The following DESI2 variants were observed in gnomAD, a reference collection of about 807,000 sequenced individuals.
DESI2 encodes deubiquitinase DESI2.
A neutral mutation model predicts 24.1 loss-of-function variants in DESI2; 10 were observed. That is an observed-to-expected ratio of 0.41 (90% CI 0.26 to 0.70). DESI2 has a LOEUF of 0.70. Ranked by LOEUF, DESI2 falls within the 30% of genes least tolerant of loss-of-function variation. The probability of loss-of-function intolerance (pLI) is 0.29; values close to 1 mark genes in which losing one functional copy is unlikely to be tolerated. For synonymous variants in DESI2, 71 were observed against 87.7 expected (o/e 0.81, Z 1.06); for missense variants, 122 against 234.9 (o/e 0.52, Z 3.14).
chr1:244,679,134 G>A (rs1676512088), intron 1 of DESI2, among the ~76,000 whole-genome samples: 1 of 152,038 alleles, frequency 6.6e-6, no homozygotes, highest in Non-Finnish European at 1.5e-5. Context: ...GACCTCCTGG[G>A]CTCAGGTAAT....
chr1:244,665,281 G>A (rs1316723140), intron 1 of DESI2, among the ~76,000 whole-genome samples: 1 of 151,944 alleles, frequency 6.6e-6, no homozygotes, highest in Non-Finnish European at 1.5e-5. Flanking sequence ...TCAGAGTCAC[G>A]CCATAGTGGT....
At chr1:244,692,090 T>C in intron 4 of DESI2, 70 bp downstream of exon 4, 1 of 1,297,270 alleles carries the variant, frequency 7.7e-7, no homozygotes, top group Non-Finnish European at 1.1e-6. Context: ...GATATCCCAC[T>C]ATATTCGATC....
At chr1:244,688,872 T>G (rs1042342131) in intron 2 of DESI2, among the ~76,000 whole-genome samples, 1 of 152,208 alleles carries the variant, frequency 6.6e-6, no homozygotes, top group Non-Finnish European at 1.5e-5. Context: ...CAGTAAGATA[T>G]GTGTTTGAAA....
chr1:244,681,187 C>A (rs191698107), intron 1 of DESI2, among the ~76,000 whole-genome samples: 21 of 152,176 alleles, frequency 1.4e-4, no homozygotes, highest in African/African-American at 5.1e-4. Flanking sequence ...AGTCCTGATT[C>A]CTTTTAGGAA....
chr1:244,693,431 T>C, intron 4 of DESI2, among the ~76,000 whole-genome samples: 1 of 143,078 alleles, frequency 7.0e-6, no homozygotes, highest in South Asian at 2.4e-4. Flanking sequence ...CTGAATTGTT[T>C]GTTCTTTTTT....
At chr1:244,698,386 T>C (rs779033037) in intron 4 of DESI2, among the ~76,000 whole-genome samples, 1 of 152,236 alleles carries the variant, frequency 6.6e-6, no homozygotes, top group Non-Finnish European at 1.5e-5. Context: ...TAATTGCAAG[T>C]GAGCTCATAT....
At chr1:244,653,580 G>A (rs1675538277) in intron 1 of DESI2, 2 of 526,000 alleles carry the variant, frequency 3.8e-6, no homozygotes, top group Admixed American at 8.4e-5. Flanking sequence ...CCAAAGCTCG[G>A]GTGGGCTTGA....
At chr1:244,690,896 T>G (rs537381360) in intron 3 of DESI2, among the ~76,000 whole-genome samples, 22 of 152,290 alleles carry the variant, frequency 1.4e-4, no homozygotes, top group African/African-American at 5.3e-4. Flanking sequence ...ATCACTGAAT[T>G]GAAAGATTTT....
chr1:244,658,557 C>T (rs1038828196), intron 1 of DESI2, among the ~76,000 whole-genome samples: 4 of 152,172 alleles, frequency 2.6e-5, no homozygotes, highest in Admixed American at 6.5e-5. Context: ...TCTCCGATAG[C>T]GCCATACTAT....
chr1:244,705,822 C>A lies in DESI2; in HGVS notation c.*33C>A. On this transcript the variant is annotated 3_prime_UTR_variant, in exon 5 of 5. Coordinates refer to ENST00000302550, the MANE Select transcript of DESI2 (RefSeq NM_016076.5). ...CAAAGTCACACATTCAGAACTGTCT[C>A]TGGCAGTCGAATATCACTAGAGAAA... 1 of 1,489,980 alleles carries A rather than the reference C, an allele frequency of 6.7e-7. No individual in the cohort carries two copies. Among genetic ancestry groups the A allele is most frequent in the South Asian group, 1.1e-5 (1 of 87,542 alleles). 92.3% of individuals were successfully genotyped at this position (1,489,980 alleles called of 1,614,324 possible). A position where few individuals can be genotyped will look rare whatever the true frequency, so the allele number is the denominator to read the frequency against.
At position 244,708,522 on chromosome 1, in the gene DESI2, G is replaced by C. The variant is rs930117995; in HGVS notation, c.*2733G>C. On this transcript the variant is annotated 3_prime_UTR_variant, in exon 5 of 5. Coordinates refer to ENST00000302550, the MANE Select transcript of DESI2 (RefSeq NM_016076.5). Reference sequence around the variant, plus strand: ...TTTTAGTCCATTGGTAGCATTGTGTGTATGAGGAGATTCAACACCACAGAC... The same window carrying C: ...TTTTAGTCCATTGGTAGCATTGTGTCTATGAGGAGATTCAACACCACAGAC... The C allele has an allele frequency of 2.0e-5, 3 of 152,592 alleles. No homozygotes were observed. Among genetic ancestry groups the C allele is most frequent in the African/African-American group, 7.2e-5 (3 of 41,414 alleles). 9.5% of individuals were successfully genotyped at this position (152,592 alleles called of 1,614,324 possible).
intron 1 of DESI2, among the ~76,000 whole-genome samples, chr1:244,669,872 T>C (rs1676185830): frequency 6.6e-6 from 1 of 152,186 alleles, no homozygotes; most frequent in South Asian, 2.1e-4. Flanking sequence ...GCTCATGTAC[T>C]TCACTAATAT....
chr1:244,693,286 T>C (rs1463806601), intron 4 of DESI2, among the ~76,000 whole-genome samples: 1 of 152,202 alleles, frequency 6.6e-6, no homozygotes, highest in Non-Finnish European at 1.5e-5. Flanking sequence ...AGAACGTTAT[T>C]GAGCATCTAT....
At chr1:244,676,486 A>G (rs1676420455) in intron 1 of DESI2, among the ~76,000 whole-genome samples, 1 of 152,064 alleles carries the variant, frequency 6.6e-6, no homozygotes, top group South Asian at 2.1e-4. Flanking sequence ...ATATAATATC[A>G]TATCATCTGC....
intron 4 of DESI2, among the ~76,000 whole-genome samples, chr1:244,694,884 G>A (rs1271352952): frequency 6.6e-6 from 1 of 152,176 alleles, no homozygotes; most frequent in Non-Finnish European, 1.5e-5. Context: ...TTTATTGTTT[G>A]ACCTTTAACA....
chr1:244,676,918 ATTT>A (rs55638785), intron 1 of DESI2, among the ~76,000 whole-genome samples: 8 of 134,610 alleles, frequency 5.9e-5, no homozygotes, highest in Admixed American at 7.5e-5. Context: ...TATTACATTA[ATTT>A]TTTTTTTTTT....
At chr1:244,693,296 TACC>T (rs1329937654) in intron 4 of DESI2, among the ~76,000 whole-genome samples, 9 of 152,216 alleles carry the variant, frequency 5.9e-5, no homozygotes, top group Admixed American at 5.2e-4. Flanking sequence ...TGAGCATCTA[TACC>T]ACCACATCAG....
chr1:244,686,689 A>G lies in DESI2; in HGVS notation c.115+20A>G, dbSNP rs1676836544. ...GCAGAGGTACGTGTACACACAGTCT[A>G]AATATACTCTCTGAAGATTTTGTAC... On this transcript the variant is annotated intron_variant, in intron 2 of 4. Transcript: ENST00000302550. The G allele has an allele frequency of 6.7e-7, 1 of 1,501,372 alleles. No homozygotes were observed. Among genetic ancestry groups the G allele is most frequent in the Non-Finnish European group, 9.3e-7 (1 of 1,079,030 alleles). The allele number at this position is 1,501,372 out of a possible 1,614,324, so 93.0% of individuals were successfully genotyped here.
At chr1:244,685,629 CAATGCGTGAGA>C (rs1250655700) in intron 1 of DESI2, among the ~76,000 whole-genome samples, 1 of 152,146 alleles carries the variant, frequency 6.6e-6, no homozygotes, top group Non-Finnish European at 1.5e-5. Flanking sequence ...CTTCTTCCAG[CAATGCGTGAGA>C]ATGTGTGTAG....
Sources: allele counts gnomAD v4.1 joint callset (sites outside exome capture counted in the v4.1 genomes callset), GRCh38; gene constraint gnomAD v4.1.1; transcripts MANE v1.5; gene names NCBI Gene and HGNC (gene_info 2026-07-23, HGNC 2026-07-21).